The following FAM117B variants were observed in gnomAD, a reference collection of about 807,000 sequenced individuals.
FAM117B encodes the protein protein FAM117B.
A neutral mutation model predicts 52.8 loss-of-function variants in FAM117B; 22 were observed. That is an observed-to-expected ratio of 0.42 (90% CI 0.30 to 0.59). FAM117B has a LOEUF of 0.59. FAM117B is among the 20% of genes least tolerant of loss of function. The probability of loss-of-function intolerance (pLI) is 0.22; values close to 1 mark genes in which losing one functional copy is unlikely to be tolerated. For synonymous variants in FAM117B, 309 were observed against 324.1 expected, an observed-to-expected ratio of 0.95 and a Z score of 0.50; for missense variants, 678 against 802.6, an observed-to-expected ratio of 0.84 and a Z score of 1.88.
chr2:202,708,977 A>G (rs370835051), intron 2 of FAM117B, among the ~76,000 whole-genome samples: 1 of 152,184 alleles, frequency 6.6e-6, no homozygotes, highest in African/African-American at 2.4e-5. Flanking sequence ...TCCCAACAAC[A>G]GTGTACAGGC....
chr2:202,709,528 T>C (rs1380731037), intron 2 of FAM117B, among the ~76,000 whole-genome samples: 2 of 152,206 alleles, frequency 1.3e-5, no homozygotes, highest in Non-Finnish European at 2.9e-5. Context: ...ATTAGTTTTA[T>C]TGCCATTGAG....
Position 202,767,929 on chromosome 2 carries a change from G to A in FAM117B, c.*2165G>A, listed in dbSNP as rs950831859. 3.9e-5 allele frequency: 6 copies of A among 152,114 alleles called. No individual in the cohort carries two copies. Among genetic ancestry groups the A allele is most frequent in the Non-Finnish European group, 8.8e-5 (6 of 68,004 alleles). 9.4% of individuals were successfully genotyped at this position (152,114 alleles called of 1,614,324 possible). A position where few individuals can be genotyped will look rare whatever the true frequency, so the allele number is the denominator to read the frequency against. On this transcript the variant is annotated 3_prime_UTR_variant, in exon 8 of 8. Transcript: ENST00000392238. ...GTCATGAAAAGCTCAGTTATTTGGGGTCTACATTTTCTCACTGAGAGCCTT... is the reference window on the plus strand; with the variant it reads ...GTCATGAAAAGCTCAGTTATTTGGGATCTACATTTTCTCACTGAGAGCCTT...
chr2:202,755,524 C>A lies in FAM117B; in HGVS notation c.961-14C>A. The A allele has an allele frequency of 6.2e-7, 1 of 1,612,732 alleles. No homozygotes were observed. The highest frequency in any genetic ancestry group is 2.2e-5 in the East Asian group (1 of 44,860). ...GTAATGTTAAGCCTCTCTTCTCCAT[C>A]CCATTTTCTTAAGGCTCCTGTTCCA... On this transcript the variant is annotated splice_polypyrimidine_tract_variant and intron_variant, in intron 4 of 7. Transcript: ENST00000392238.
At chr2:202,725,506 A>C (rs532656509) in intron 3 of FAM117B, among the ~76,000 whole-genome samples, 1 of 151,992 alleles carries the variant, frequency 6.6e-6, no homozygotes, top group East Asian at 1.9e-4. Context: ...TTCAGTAGAG[A>C]TGGGGTTTCA....
chr2:202,645,043 A>G (rs1689838890), intron 1 of FAM117B, among the ~76,000 whole-genome samples: 1 of 151,714 alleles, frequency 6.6e-6, no homozygotes, highest in African/African-American at 2.4e-5. Context: ...TAGTTGTGGT[A>G]TATCTTGGAG....
intron 1 of FAM117B, among the ~76,000 whole-genome samples, chr2:202,645,684 A>G (rs1197057394): frequency 3.7e-5 from 5 of 136,446 alleles, no homozygotes; most frequent in African/African-American, 8.3e-5. Context: ...GCTCACTGCA[A>G]CCTCCGCCTC....
intron 4 of FAM117B, among the ~76,000 whole-genome samples, chr2:202,739,348 T>G (rs995327647): frequency 1.3e-5 from 2 of 152,158 alleles, no homozygotes; most frequent in African/African-American, 4.8e-5. Context: ...TTTCTATGCC[T>G]GCTTTCTTCC....
chr2:202,644,404 C>T (rs1689831032), intron 1 of FAM117B, among the ~76,000 whole-genome samples: 1 of 152,106 alleles, frequency 6.6e-6, no homozygotes, highest in African/African-American at 2.4e-5. Flanking sequence ...TAATTAAAAA[C>T]ATAGCAGAGA....
chr2:202,760,303 C>T (rs879944974), intron 7 of FAM117B, among the ~76,000 whole-genome samples: 2 of 152,154 alleles, frequency 1.3e-5, no homozygotes, highest in East Asian at 1.9e-4. Flanking sequence ...GGCTGCTGCT[C>T]CTGAACGGGG....
intron 1 of FAM117B, among the ~76,000 whole-genome samples, chr2:202,651,011 C>G (rs959698477): frequency 3.9e-5 from 6 of 151,964 alleles, no homozygotes; most frequent in African/African-American, 1.2e-4. Flanking sequence ...TCAATAATAA[C>G]CGTCACAGCT....
At chr2:202,657,569 G>A (rs1690071821) in intron 1 of FAM117B, among the ~76,000 whole-genome samples, 1 of 152,098 alleles carries the variant, frequency 6.6e-6, no homozygotes, top group Non-Finnish European at 1.5e-5. Flanking sequence ...TACGGTGGTA[G>A]CCTTGACTTC....
rs761782179 is a variant in FAM117B, at chr2:202,724,951, A to G, written c.788A>G (p.Lys263Arg). 6.2e-7 allele frequency: 1 copy of G among 1,612,898 alleles called. No individual in the cohort carries two copies. Among genetic ancestry groups the G allele is most frequent in the Non-Finnish European group, 8.5e-7 (1 of 1,179,242 alleles). ...ESAWAEEYSE[K>R]KKGSHKRSAS... ...GCATGGGCTGAAGAATACTCTGAAA[A>G]GAAGAAAGGGTCTCACAAGCGCTCA... Residue 263 changes from lysine to arginine, a missense_variant, in exon 3 of 8, where the codon AAG becomes AGG. By Grantham distance (26) the Lys-to-Arg change is conservative (BLOSUM62 2). Coordinates refer to ENST00000392238, the MANE Select transcript of FAM117B (RefSeq NM_173511.4).
intron 4 of FAM117B, among the ~76,000 whole-genome samples, chr2:202,743,491 A>G (rs907742533): frequency 6.6e-6 from 1 of 152,214 alleles, no homozygotes; most frequent in Non-Finnish European, 1.5e-5. Context: ...GTAGAAAAGC[A>G]AGGAACCATG....
chr2:202,720,400 CGT>C lies in FAM117B; in HGVS notation c.754-4491_754-4490del, dbSNP rs547237672. Among the ~76,000 whole-genome samples the C allele has an allele frequency of 1.9e-3, 258 of 136,554 alleles. 1 individual carries two copies. Among genetic ancestry groups the C allele is most frequent in the East Asian group, 5.9e-3 (29 of 4,942 alleles). The allele number at this position is 136,554 out of a possible 152,430, so 89.6% of individuals were successfully genotyped here. The stretch of plus-strand genomic sequence containing the variant: ...CATTAGTCATATTTGCTTTACCTGT[CGT>C]GTGTGTGTGTGTGTGTGTGTGTGTG... On this transcript the variant is annotated intron_variant, in intron 2 of 7. Coordinates refer to ENST00000392238, the MANE Select transcript of FAM117B (RefSeq NM_173511.4).
chr2:202,749,657 G>A (rs975452571), intron 4 of FAM117B, among the ~76,000 whole-genome samples: 8 of 152,114 alleles, frequency 5.3e-5, no homozygotes, highest in African/African-American at 1.9e-4. Flanking sequence ...TCCAGGCACA[G>A]TGACTCATGC....
chr2:202,699,426 CAAAAAAA>C (rs751190825), intron 2 of FAM117B, among the ~76,000 whole-genome samples: 8 of 17,898 alleles, frequency 4.5e-4, no homozygotes, highest in South Asian at 3.1e-3. Context: ...GACCCCATCT[CAAAAAAA>C]AAAAAAAAAA....
chr2:202,750,439 G>A (rs1691705078), intron 4 of FAM117B, among the ~76,000 whole-genome samples: 1 of 152,170 alleles, frequency 6.6e-6, no homozygotes, highest in African/African-American at 2.4e-5. Context: ...CCTGAGGCCA[G>A]GAGGCAGAGG....
At chr2:202,746,498 TA>T (rs79052032) in intron 4 of FAM117B, among the ~76,000 whole-genome samples, 75,146 of 150,902 alleles carry the variant, frequency 0.5, 19,239 homozygotes, top group Middle Eastern at 0.62. Context: ...ATGCCTCCAT[TA>T]AAAAAAAAGA....
chr2:202,655,710 G>GACAC, intron 1 of FAM117B, among the ~76,000 whole-genome samples: 1 of 24,348 alleles, frequency 4.1e-5, no homozygotes, highest in South Asian at 2.3e-3. Flanking sequence ...AAGAGAGTGA[G>GACAC]AGAGAGAGAG....
Sources: gnomAD v4.1 joint callset for allele counts (sites outside exome capture counted in the v4.1 genomes callset) on GRCh38, gnomAD v4.1.1 for gene constraint, MANE v1.5 for transcripts, NCBI Gene and HGNC (gene_info 2026-07-23, HGNC 2026-07-21) for gene names.